The following NEGR1 variants were observed in gnomAD, a reference collection of about 807,000 sequenced individuals.
NEGR1 encodes IgLON family member 4.
Under a neutral mutation model 40.9 loss-of-function variants are expected in NEGR1, and 10 were observed. The observed-to-expected ratio is 0.24, with a 90% CI of 0.15 to 0.42. The LOEUF is 0.42. Among genes scored for constraint, NEGR1 ranks in the 10% least tolerant of loss-of-function variants. The pLI is 1.00. For missense variants in NEGR1, 352 were observed against 438.9 expected (o/e 0.80, Z 1.77); for synonymous variants, 185 against 166.8 (o/e 1.11, Z -0.84).
intron 1 of NEGR1, among the ~76,000 whole-genome samples, chr1:72,133,057 T>A (rs1196253414): frequency 6.6e-6 from 1 of 152,148 alleles, no homozygotes; most frequent in East Asian, 1.9e-4. Context: ...ACCACTCCTT[T>A]AAAATGTGAC....
chr1:71,528,690 T>A (rs1016290867), intron 6 of NEGR1, among the ~76,000 whole-genome samples: 3 of 151,320 alleles, frequency 2.0e-5, no homozygotes, highest in African/African-American at 7.3e-5. Context: ...TTCTGTTTTT[T>A]CAAAAACAGT....
intron 6 of NEGR1, among the ~76,000 whole-genome samples, chr1:71,523,325 G>T (rs1455929379): frequency 1.3e-5 from 2 of 151,906 alleles, no homozygotes; most frequent in Non-Finnish European, 2.9e-5. Flanking sequence ...CTTAACACAT[G>T]AAATATTTAC....
At chr1:71,695,156 CTT>C (rs977835947) in intron 4 of NEGR1, among the ~76,000 whole-genome samples, 7 of 151,718 alleles carry the variant, frequency 4.6e-5, no homozygotes, top group Non-Finnish European at 1.0e-4. Context: ...TAACAAGAAA[CTT>C]TTTCAGACAT....
At chr1:72,190,173 G>C (rs1371097881) in intron 1 of NEGR1, among the ~76,000 whole-genome samples, 3 of 151,500 alleles carry the variant, frequency 2.0e-5, no homozygotes, top group Admixed American at 6.6e-5. Context: ...TTGATAAGTA[G>C]TCAGAATACA....
intron 6 of NEGR1, among the ~76,000 whole-genome samples, chr1:71,449,084 G>C (rs963064146): frequency 1.3e-5 from 2 of 152,118 alleles, no homozygotes; most frequent in Non-Finnish European, 2.9e-5. Context: ...ACTACCCATA[G>C]GAAGTAATAG....
chr1:71,446,587 G>C (rs1042112669), intron 6 of NEGR1, among the ~76,000 whole-genome samples: 1 of 152,172 alleles, frequency 6.6e-6, no homozygotes, highest in Non-Finnish European at 1.5e-5. Flanking sequence ...AGCATGTTTA[G>C]TTAGATTTTA....
chr1:72,010,041 G>A (rs1307609799), intron 1 of NEGR1, among the ~76,000 whole-genome samples: 1 of 152,128 alleles, frequency 6.6e-6, no homozygotes, highest in Non-Finnish European at 1.5e-5. Flanking sequence ...TGGCAAAAAG[G>A]AGATTTAAAA....
chr1:72,082,432 G>T (rs895991326), intron 1 of NEGR1, among the ~76,000 whole-genome samples: 1 of 152,026 alleles, frequency 6.6e-6, no homozygotes, highest in Admixed American at 6.6e-5. Flanking sequence ...CTTATTGCTT[G>T]TGGTCATATA....
chr1:71,766,210 T>C (rs1656126821), intron 3 of NEGR1, among the ~76,000 whole-genome samples: 1 of 149,560 alleles, frequency 6.7e-6, no homozygotes, highest in Non-Finnish European at 1.5e-5. Context: ...TGAGTCTTTC[T>C]AAATGTGAGC....
chr1:71,941,719 TC>T (rs1645961272), intron 1 of NEGR1, among the ~76,000 whole-genome samples: 1 of 152,178 alleles, frequency 6.6e-6, no homozygotes, highest in African/African-American at 2.4e-5. Context: ...AGGTAACAGT[TC>T]AATACCGTTC....
chr1:71,633,608 T>C (rs1377547779), intron 4 of NEGR1, among the ~76,000 whole-genome samples: 1 of 152,066 alleles, frequency 6.6e-6, no homozygotes, highest in Non-Finnish European at 1.5e-5. Flanking sequence ...CATGGAAAGT[T>C]AGAGAGGGAG....
Position 71,787,135 on chromosome 1 carries a change from CT to C in NEGR1, c.410-10839del, listed in dbSNP as rs527705585. ...CTATCTAAATTGCACAAATTGCAGT[CT>C]TCTGAGTAAAACAAATAATTGTAGT... On this transcript the variant is annotated intron_variant, in intron 2 of 6. Transcript: ENST00000357731. Among the ~76,000 whole-genome samples the C allele has an allele frequency of 2.6e-3, 392 of 152,306 alleles. 1 individual carries two copies. The highest frequency in any genetic ancestry group is 9.1e-3 in the African/African-American group (380 of 41,582).
chr1:71,575,144 T>C (rs1372554457), intron 6 of NEGR1, among the ~76,000 whole-genome samples: 1 of 152,166 alleles, frequency 6.6e-6, no homozygotes, highest in Non-Finnish European at 1.5e-5. Flanking sequence ...GGAAGGAATA[T>C]ACATATCTCT....
intron 2 of NEGR1, among the ~76,000 whole-genome samples, chr1:71,815,498 C>A (rs376136459): frequency 3.3e-5 from 5 of 152,052 alleles, no homozygotes; most frequent in African/African-American, 1.2e-4. Flanking sequence ...TTAATATTGG[C>A]AATAGTGTGT....
At chr1:71,675,500 ACT>A (rs1166797796) in intron 4 of NEGR1, among the ~76,000 whole-genome samples, 7 of 150,246 alleles carry the variant, frequency 4.7e-5, no homozygotes, top group African/African-American at 4.9e-5. Flanking sequence ...TCCCTCTCTC[ACT>A]CTCTCTCTCT....
intron 3 of NEGR1, among the ~76,000 whole-genome samples, chr1:71,706,288 C>T (rs1426657985): frequency 1.3e-5 from 2 of 152,122 alleles, no homozygotes; most frequent in African/African-American, 4.8e-5. Context: ...AGGATTTAAA[C>T]CAGCCCTAGC....
At chr1:71,747,517 T>A (rs1655426614) in intron 3 of NEGR1, among the ~76,000 whole-genome samples, 1 of 151,918 alleles carries the variant, frequency 6.6e-6, no homozygotes. Flanking sequence ...TTCCACCTCC[T>A]GGGTTTGAGC....
At chr1:71,539,697 T>C (rs1050368623) in intron 6 of NEGR1, among the ~76,000 whole-genome samples, 6 of 151,684 alleles carry the variant, frequency 4.0e-5, no homozygotes, top group African/African-American at 1.5e-4. Context: ...TTTATTATCA[T>C]CCTGGTAAAT....
chr1:71,619,760 T>C (rs971755868), intron 4 of NEGR1, among the ~76,000 whole-genome samples: 1 of 152,088 alleles, frequency 6.6e-6, no homozygotes, highest in African/African-American at 2.4e-5. Context: ...AGTGGGATTA[T>C]TTCTTTGCAT....
Sources: allele counts gnomAD v4.1 joint callset (sites outside exome capture counted in the v4.1 genomes callset), GRCh38; gene constraint gnomAD v4.1.1; transcripts MANE v1.5; gene names NCBI Gene and HGNC (gene_info 2026-07-23, HGNC 2026-07-21).